CORO2B: variants seen among roughly 807,000 people sequenced by gnomAD.
The protein encoded by CORO2B is coronin 2B, also known as coronin-2B.
Under a neutral mutation model 58.8 loss-of-function variants are expected in CORO2B, and 26 were observed. The observed-to-expected ratio is 0.44, with a 90% CI of 0.32 to 0.61. CORO2B has a LOEUF of 0.61. CORO2B is among the 20% of genes least tolerant of loss of function. The pLI, the probability that CORO2B is intolerant of heterozygous loss-of-function variation, is 0.04. For synonymous variants in CORO2B, 242 were observed against 253.8 expected, an observed-to-expected ratio of 0.95 and a Z score of 0.44; for missense variants, 460 against 645.1, an observed-to-expected ratio of 0.71 and a Z score of 3.11.
chr15:68,543,004 A>T, the CORO2B span, among the ~76,000 whole-genome samples: 2 of 152,166 alleles, frequency 1.3e-5, no homozygotes, highest in South Asian at 2.1e-4. Flanking sequence ...GCTCCTCGGG[A>T]TGCCTTGGTT....
intron 1 of CORO2B, among the ~76,000 whole-genome samples, chr15:68,593,823 G>A (rs1213413767): frequency 2.6e-5 from 4 of 152,172 alleles, no homozygotes; most frequent in Non-Finnish European, 4.4e-5. Flanking sequence ...GGGTGGGAAG[G>A]TCAAGGAAGG....
At position 68,682,654 on chromosome 15, in the gene CORO2B, T is replaced by C. The variant is rs111665491; in HGVS notation, c.217-12486T>C. 1.7e-3 allele frequency among the ~76,000 whole-genome samples: 254 copies of C among 152,224 alleles called. 3 individuals are homozygous for C. Among genetic ancestry groups the C allele is most frequent in the African/African-American group, 5.8e-3 (242 of 41,534 alleles). ...AGAGAAACCCCAGGAGGGGCAAGGA[T>C]ACCATGTTTATTATCCCTGCCCCCC... On this transcript the variant is annotated intron_variant, in intron 2 of 11. Coordinates refer to ENST00000261861, the MANE Select transcript of CORO2B (RefSeq NM_006091.5).
intron 1 of CORO2B, among the ~76,000 whole-genome samples, chr15:68,632,871 C>T (rs1425950880): frequency 3.9e-5 from 6 of 152,196 alleles, no homozygotes; most frequent in East Asian, 3.8e-4. Context: ...GGATTACAGG[C>T]GTGAGCCACC....
chr15:68,559,286 T>G, the CORO2B span, among the ~76,000 whole-genome samples: 1 of 151,838 alleles, frequency 6.6e-6, no homozygotes, highest in East Asian at 1.9e-4. The surrounding 1 kb of genome is among the most constrained non-coding windows in gnomAD (Gnocchi z 4.3). Flanking sequence ...GCCGGTTAAT[T>G]CCCCCGTCCA....
At chr15:68,565,125 T>C in the CORO2B span, among the ~76,000 whole-genome samples, 6 of 152,216 alleles carry the variant, frequency 3.9e-5, no homozygotes, top group Non-Finnish European at 8.8e-5. Flanking sequence ...TAGACAAATA[T>C]TGCTTTACTG....
At position 68,695,300 on chromosome 15, in the gene CORO2B, T is replaced by C. The variant is rs116373621; in HGVS notation, c.333+44T>C. 2.7e-4 allele frequency: 389 copies of C among 1,418,580 alleles called. 3 individuals are homozygous for C. In the African/African-American group the frequency reaches 4.9e-3, roughly 18 times the overall value. 87.9% of individuals were successfully genotyped at this position (1,418,580 alleles called of 1,614,324 possible). ...CCGGAGGAGGGTGGGCTCAGGCCCC[T>C]CCCTGCTTCCTTTGGAGGCCTCTCT... On this transcript the variant is annotated intron_variant, in intron 3 of 11. Transcript: ENST00000261861.
chr15:68,612,224 G>A (rs1900263976), intron 1 of CORO2B, among the ~76,000 whole-genome samples: 1 of 152,148 alleles, frequency 6.6e-6, no homozygotes, highest in Admixed American at 6.5e-5. Context: ...ACATTGAAAG[G>A]GTCTAAAAGT....
chr15:68,581,043 T>C (rs942575399), intron 1 of CORO2B, among the ~76,000 whole-genome samples: 5 of 152,138 alleles, frequency 3.3e-5, no homozygotes, highest in African/African-American at 1.2e-4. Flanking sequence ...CTCTGCATCG[T>C]TGGGCATCCT....
chr15:68,625,270 A>T (rs1393207198), intron 1 of CORO2B, among the ~76,000 whole-genome samples: 2 of 149,320 alleles, frequency 1.3e-5, no homozygotes, highest in Non-Finnish European at 3.0e-5. Context: ...TCTTCAGCTA[A>T]TTTTTTTTTT....
At chr15:68,597,750 G>A (rs541121147) in intron 1 of CORO2B, among the ~76,000 whole-genome samples, 92 of 152,306 alleles carry the variant, frequency 6.0e-4, no homozygotes, top group Non-Finnish European at 1.1e-3. Flanking sequence ...AGGAACCTCG[G>A]GCAAAAGTCC....
chr15:68,686,042 T>TC (rs1902964633), intron 2 of CORO2B, among the ~76,000 whole-genome samples: 1 of 149,056 alleles, frequency 6.7e-6, no homozygotes, highest in South Asian at 2.1e-4. Context: ...TTTTTTCTTT[T>TC]TTTTTTTTTT....
At chr15:68,677,461 C>T (rs1902626627) in intron 2 of CORO2B, among the ~76,000 whole-genome samples, 1 of 152,308 alleles carries the variant, frequency 6.6e-6, no homozygotes, top group East Asian at 1.9e-4. Context: ...GACAAGGGCC[C>T]CTCTCTGCCA....
At chr15:68,556,147 G>T in the CORO2B span, among the ~76,000 whole-genome samples, 2 of 152,228 alleles carry the variant, frequency 1.3e-5, no homozygotes, top group East Asian at 3.9e-4. Flanking sequence ...GCAGAGAAGG[G>T]AGAGCCACTC....
chr15:68,675,182 C>A (rs918933758), intron 2 of CORO2B, among the ~76,000 whole-genome samples: 2 of 152,196 alleles, frequency 1.3e-5, no homozygotes, highest in African/African-American at 4.8e-5. Context: ...GGCGAAAATA[C>A]TTCTAGTCCA....
chr15:68,601,415 C>T (rs151206212), intron 1 of CORO2B, among the ~76,000 whole-genome samples: 24 of 152,260 alleles, frequency 1.6e-4, no homozygotes, highest in Non-Finnish European at 2.9e-4. Context: ...CGGTAGGCAC[C>T]GAGGATAAAA....
At chr15:68,608,507 GCT>G (rs1027401676) in intron 1 of CORO2B, among the ~76,000 whole-genome samples, 3 of 152,222 alleles carry the variant, frequency 2.0e-5, no homozygotes, top group Non-Finnish European at 4.4e-5. Flanking sequence ...TCCTGGTATT[GCT>G]CTGTGTGAGT....
At chr15:68,570,799 GTTTTT>G in the CORO2B span, among the ~76,000 whole-genome samples, 11 of 78,772 alleles carry the variant, frequency 1.4e-4, no homozygotes, top group South Asian at 4.7e-3. Flanking sequence ...ACTACACGTA[GTTTTT>G]TTTTTTTTTT....
chr15:68,692,834 A>T (rs1332896145), intron 2 of CORO2B, among the ~76,000 whole-genome samples: 1 of 151,438 alleles, frequency 6.6e-6, no homozygotes, highest in Admixed American at 6.6e-5. Flanking sequence ...GGTTTTCTCC[A>T]TGTTGTCTAG....
intron 1 of CORO2B, among the ~76,000 whole-genome samples, chr15:68,639,028 G>C (rs1901123077): frequency 6.6e-6 from 1 of 152,220 alleles, no homozygotes; most frequent in African/African-American, 2.4e-5. Flanking sequence ...GTGACCAGAA[G>C]AAAGAACATG....
Sources: allele counts gnomAD v4.1 joint callset (sites outside exome capture counted in the v4.1 genomes callset), GRCh38; gene constraint gnomAD v4.1.1; non-coding constraint Gnocchi (gnomAD v3.1); transcripts MANE v1.5; gene names NCBI Gene and HGNC (gene_info 2026-07-23, HGNC 2026-07-21).